The following NLGN1 variants were observed in gnomAD, a reference collection of about 807,000 sequenced individuals.
NLGN1 encodes neuroligin 1.
In NLGN1, 12 loss-of-function variants were observed where a neutral mutation model predicts 65.5. The observed-to-expected ratio is 0.18, with a 90% CI of 0.12 to 0.30. NLGN1 has a LOEUF of 0.30. Ranked by LOEUF, NLGN1 falls within the 10% of genes least tolerant of loss-of-function variation. The pLI is 1.00. For missense variants in NLGN1, 750 were observed against 1,007.1 expected, an observed-to-expected ratio of 0.74 and a Z score of 3.46; for synonymous variants, 350 against 359.5, an observed-to-expected ratio of 0.97 and a Z score of 0.30.
intron 2 of NLGN1, among the ~76,000 whole-genome samples, chr3:173,582,059 G>T (rs1746489638): frequency 6.6e-6 from 1 of 151,896 alleles, no homozygotes; most frequent in South Asian, 2.1e-4. Context: ...TATAATAGAT[G>T]TAATTATTTT....
chr3:173,722,229 TTTC>T (rs1458322295), intron 3 of NLGN1, among the ~76,000 whole-genome samples: 29 of 144,736 alleles, frequency 2.0e-4, no homozygotes, highest in Non-Finnish European at 3.6e-4. Flanking sequence ...TTTCTTTTCT[TTTC>T]TTCTTCTTCT....
chr3:174,097,921 C>T (rs1044654953), intron 4 of NLGN1, among the ~76,000 whole-genome samples: 2 of 152,068 alleles, frequency 1.3e-5, no homozygotes, highest in African/African-American at 4.8e-5. Flanking sequence ...AATAACTGCC[C>T]GCCATTTAAC....
intron 2 of NLGN1, among the ~76,000 whole-genome samples, chr3:173,497,087 A>G (rs1162732939): frequency 6.6e-6 from 1 of 152,052 alleles, no homozygotes; most frequent in African/African-American, 2.4e-5. Context: ...TTGTTTTCTC[A>G]GATATCCTTA....
At chr3:173,757,354 T>G (rs903810666) in intron 3 of NLGN1, among the ~76,000 whole-genome samples, 2 of 151,066 alleles carry the variant, frequency 1.3e-5, no homozygotes, top group African/African-American at 4.8e-5. Flanking sequence ...TTAAGAAATA[T>G]TCTTGTAAAA....
intron 4 of NLGN1, among the ~76,000 whole-genome samples, chr3:174,040,846 T>G (rs1418243355): frequency 6.6e-6 from 1 of 152,188 alleles, no homozygotes; most frequent in Non-Finnish European, 1.5e-5. Flanking sequence ...ATTCTTGTTT[T>G]GCTACAAATT....
intron 4 of NLGN1, among the ~76,000 whole-genome samples, chr3:173,829,311 T>C (rs1342002697): frequency 6.6e-6 from 1 of 152,170 alleles, no homozygotes; most frequent in Non-Finnish European, 1.5e-5. Context: ...GATAATTAGA[T>C]ACACAAGTTT....
chr3:174,265,175 A>C (rs1353005614), intron 4 of NLGN1, among the ~76,000 whole-genome samples: 11 of 151,716 alleles, frequency 7.3e-5, no homozygotes, highest in African/African-American at 2.7e-4. Context: ...CTACAGAGGC[A>C]GGCAGGCCTC....
chr3:174,175,435 GA>G (rs1252217290), intron 4 of NLGN1, among the ~76,000 whole-genome samples: 1 of 151,588 alleles, frequency 6.6e-6, no homozygotes, highest in Non-Finnish European at 1.5e-5. Flanking sequence ...ATTTTTTCCT[GA>G]AGTAAATATA....
At chr3:173,820,753 T>G (rs1383723667) in intron 4 of NLGN1, among the ~76,000 whole-genome samples, 3 of 152,166 alleles carry the variant, frequency 2.0e-5, no homozygotes, top group Non-Finnish European at 4.4e-5. Context: ...TGACCAGAGG[T>G]AACCGGAGAG....
At chr3:174,144,612 C>T (rs918998901) in intron 4 of NLGN1, among the ~76,000 whole-genome samples, 13 of 152,194 alleles carry the variant, frequency 8.5e-5, no homozygotes, top group African/African-American at 3.1e-4. Flanking sequence ...GCCATTCTAG[C>T]TGGTGTGAGA....
At chr3:174,078,283 C>T (rs1022895608) in intron 4 of NLGN1, among the ~76,000 whole-genome samples, 2 of 152,022 alleles carry the variant, frequency 1.3e-5, no homozygotes, top group Non-Finnish European at 2.9e-5. Context: ...TGAAAACATC[C>T]CATTTCATTA....
At chr3:174,026,413 A>C (rs1401045728) in intron 4 of NLGN1, among the ~76,000 whole-genome samples, 1 of 152,216 alleles carries the variant, frequency 6.6e-6, no homozygotes, top group African/African-American at 2.4e-5. Context: ...GTCATGAACC[A>C]CCACACCTGG....
At chr3:173,676,464 T>A (rs1182091828) in intron 3 of NLGN1, among the ~76,000 whole-genome samples, 1 of 152,192 alleles carries the variant, frequency 6.6e-6, no homozygotes, top group East Asian at 1.9e-4. Flanking sequence ...AAATTGCTAA[T>A]ATAAAGAATA....
intron 4 of NLGN1, among the ~76,000 whole-genome samples, chr3:174,000,124 G>A (rs1000450716): frequency 1.3e-5 from 2 of 151,982 alleles, no homozygotes; most frequent in Admixed American, 6.6e-5. Flanking sequence ...GAGTATTTTC[G>A]TTTGTGACTT....
intron 4 of NLGN1, chr3:173,920,807 G>A (rs190064470): frequency 4.6e-4 from 70 of 151,520 alleles, no homozygotes; most frequent in African/African-American, 1.5e-3. Flanking sequence ...TTTAGGTAGA[G>A]AGAGATAGAA....
chr3:173,473,030 A>G (rs1725564230), intron 2 of NLGN1, among the ~76,000 whole-genome samples: 2 of 152,206 alleles, frequency 1.3e-5, no homozygotes, highest in African/African-American at 4.8e-5. Context: ...GAGGAATCAA[A>G]TCTGGCAATT....
intron 1 of NLGN1, among the ~76,000 whole-genome samples, chr3:173,410,342 A>G (rs67200533): frequency 6.6e-6 from 1 of 152,256 alleles, no homozygotes; most frequent in Admixed American, 6.5e-5. Flanking sequence ...GTGCTCACCT[A>G]CTAATAGCCA....
chr3:174,193,463 TA>T (rs1732764341), intron 4 of NLGN1, among the ~76,000 whole-genome samples: 1 of 152,116 alleles, frequency 6.6e-6, no homozygotes, highest in South Asian at 2.1e-4. Flanking sequence ...ACCAAAAAAG[TA>T]GGTTTTGAAC....
chr3:173,853,796 A>T (rs541219616), intron 4 of NLGN1, among the ~76,000 whole-genome samples: 14 of 152,180 alleles, frequency 9.2e-5, no homozygotes, highest in South Asian at 8.3e-4. Flanking sequence ...CATGATTTAA[A>T]TACCAAGATA....
Sources: gnomAD v4.1 joint callset for allele counts (sites outside exome capture counted in the v4.1 genomes callset) on GRCh38, gnomAD v4.1.1 for gene constraint, MANE v1.5 for transcripts, NCBI Gene and HGNC (gene_info 2026-07-23, HGNC 2026-07-21) for gene names.